The following IFT52 variants were observed in gnomAD, a reference collection of about 807,000 sequenced individuals.
IFT52 encodes intraflagellar transport protein 52 homolog.
Under a neutral mutation model 54.4 loss-of-function variants are expected in IFT52, and 44 were observed. That is an observed-to-expected ratio of 0.81 (90% CI 0.63 to 1.04). IFT52 has a LOEUF of 1.04. IFT52 is among the 50% of genes least tolerant of loss of function. The pLI, the probability that IFT52 is intolerant of heterozygous loss-of-function variation, is 0.00. For missense variants in IFT52, 452 were observed against 523.6 expected (o/e 0.86, Z 1.33); for synonymous variants, 181 against 185.3 (o/e 0.98, Z 0.19).
Position 43,642,494 on chromosome 20 carries a change from T to C in IFT52, c.1136T>C (p.Leu379Pro). The C allele has an allele frequency of 6.2e-7, 1 of 1,614,048 alleles. No individual in the cohort carries two copies. Among genetic ancestry groups the C allele is most frequent in the Non-Finnish European group, 8.5e-7 (1 of 1,179,956 alleles). ...ACTGTCTTAGGTACTGAAGAAGACC[T>C]GGAATTTTATGTCAGGAAGTGTGGT... is the stretch of plus-strand genomic sequence containing the variant. ...QITNKCTEED[L>P]EFYVRKCGDI... Residue 379 changes from leucine (L) to proline (P), a missense_variant, in exon 13 of 14, where the codon CTG becomes CCG. Leu to Pro is a moderately conservative substitution (Grantham distance 98, BLOSUM62 -3). Transcript: ENST00000373030.
chr20:43,594,682 T>A lies in IFT52; in HGVS notation c.-6-11T>A, dbSNP rs373213594. 7.8e-5 allele frequency: 108 copies of A among 1,388,428 alleles called. No homozygotes were observed. The highest frequency in any genetic ancestry group is 1.1e-4 in the Non-Finnish European group (103 of 977,322). The allele number at this position is 1,388,428 out of a possible 1,614,324, so 86.0% of individuals were successfully genotyped here. The stretch of plus-strand genomic sequence containing the variant: ...TTTATTGATTTTCTGATCCCATCTT[T>A]CTTCCATAAGGTAACCATGGAGAAA... On this transcript the variant is annotated splice_polypyrimidine_tract_variant and intron_variant, in intron 1 of 13. Transcript: ENST00000373030.
Position 43,602,573 on chromosome 20 carries a change from A to G in IFT52, c.208-1187A>G, listed in dbSNP as rs548329483. 4.0e-5 allele frequency among the ~76,000 whole-genome samples: 6 copies of G among 151,874 alleles called. No homozygotes were observed. In the East Asian group the frequency reaches 9.7e-4, roughly 25 times the overall value. ...GCCCAGGCTGGAATGCAGTGGTGCA[A>G]TCTCGGCTCACTGCAACCTCCACCA... is the stretch of plus-strand genomic sequence containing the variant. On this transcript the variant is annotated intron_variant, in intron 3 of 13. Coordinates refer to ENST00000373030, the MANE Select transcript of IFT52 (RefSeq NM_016004.5).
rs1162263954 is a variant in IFT52, at chr20:43,596,438, A to G, written c.123A>G (p.Leu41=). 1.3e-6 allele frequency: 2 copies of G among 1,583,364 alleles called. No individual in the cohort carries two copies. Among genetic ancestry groups the G allele is most frequent in the South Asian group, 1.1e-5 (1 of 87,180 alleles). ...GCTTTTAAAATTGTATTTCCAGCTT[A>G]AAAGATGAAATCACATCTGAGAAGT... ...KLRSNWKIQS[L]KDEITSEKLN... The change falls in exon 3 of 14, where the codon TTA becomes TTG. Residue 41 remains leucine (L), a synonymous_variant. Transcript: ENST00000373030.
intron 10 of IFT52, among the ~76,000 whole-genome samples, chr20:43,627,933 T>TG (rs1984865155): frequency 6.9e-6 from 1 of 144,528 alleles, no homozygotes; most frequent in African/African-American, 2.6e-5. Context: ...TTTTTTTTTT[T>TG]TTTTTTTTTT....
chr20:43,607,434 G>A (rs1225075920), intron 6 of IFT52, among the ~76,000 whole-genome samples: 5 of 148,936 alleles, frequency 3.4e-5, no homozygotes, highest in African/African-American at 1.3e-4. Context: ...CCGGGCGGAG[G>A]GGCTCCTCAC....
intron 6 of IFT52, among the ~76,000 whole-genome samples, chr20:43,606,081 C>T (rs1166334848): frequency 6.6e-6 from 1 of 151,904 alleles, no homozygotes; most frequent in Non-Finnish European, 1.5e-5. Flanking sequence ...TTTAGCTGTG[C>T]GTGGTAGTGG....
intron 2 of IFT52, among the ~76,000 whole-genome samples, chr20:43,595,087 G>A (rs190769880): frequency 2.1e-3 from 316 of 151,674 alleles, no homozygotes; most frequent in African/African-American, 7.3e-3. Flanking sequence ...AGGCCAAGGC[G>A]GGTGGATCAT....
At chr20:43,620,564 G>A (rs1008965737) in intron 8 of IFT52, among the ~76,000 whole-genome samples, 1 of 152,178 alleles carries the variant, frequency 6.6e-6, no homozygotes, top group Admixed American at 6.5e-5. Flanking sequence ...GCTGAGACAG[G>A]AGAATCGCTT....
chr20:43,640,604 A>T (rs1411844210), intron 12 of IFT52, among the ~76,000 whole-genome samples: 1 of 152,258 alleles, frequency 6.6e-6, no homozygotes, highest in Admixed American at 6.5e-5. Flanking sequence ...TACACACAGA[A>T]GCATACATAG....
chr20:43,594,944 A>C (rs938987781), intron 2 of IFT52, 127 bp downstream of exon 2: 25 of 674,542 alleles, frequency 3.7e-5, no homozygotes, highest in Non-Finnish European at 6.3e-5. Context: ...AAGATTATTC[A>C]GAATTAGGTC....
chr20:43,624,025 C>T lies in IFT52; in HGVS notation c.903C>T (p.Thr301=), dbSNP rs1984540363. The change falls in exon 10 of 14, where the codon ACC becomes ACT. Residue 301 remains threonine (T), a synonymous_variant. Transcript: ENST00000373030. ...FDLSIFQLDT[T]SFHSVIEAHE... ...TGTCCATCTTCCAGCTGGATACCAC[C>T]TCCTTCCACAGCGTCATCGAGTCAG... is the stretch of plus-strand genomic sequence containing the variant. 6.2e-7 allele frequency: 1 copy of T among 1,614,138 alleles called. No individual in the cohort carries two copies. The highest frequency in any genetic ancestry group is 1.3e-5 in the African/African-American group (1 of 75,044).
chr20:43,614,444 C>G (rs1044390262), intron 7 of IFT52, among the ~76,000 whole-genome samples: 1 of 151,996 alleles, frequency 6.6e-6, no homozygotes, highest in African/African-American at 2.4e-5. Flanking sequence ...CCATGTTAGC[C>G]AGGATGGTCT....
chr20:43,591,136 G>C (rs922677677), intron 1 of IFT52, 82 bp downstream of exon 1: 27 of 152,428 alleles, frequency 1.8e-4, no homozygotes, highest in African/African-American at 6.5e-4. Context: ...CACTCTTCGA[G>C]GCCGCTGGGC....
chr20:43,643,227 T>C (rs1600523776), intron 13 of IFT52, among the ~76,000 whole-genome samples: 1 of 126,720 alleles, frequency 7.9e-6, no homozygotes, highest in Non-Finnish European at 1.7e-5. Context: ...GGCTCACACC[T>C]GTAATCCCAG....
chr20:43,613,802 T>C, intron 6 of IFT52, 48 bp from the exon 7 acceptor site: 8 of 1,557,102 alleles, frequency 5.1e-6, no homozygotes, highest in Non-Finnish European at 7.1e-6. Context: ...TCAGAATTTT[T>C]GTATTCATGT....
chr20:43,632,817 A>T (rs1334589153), intron 10 of IFT52, among the ~76,000 whole-genome samples: 1 of 152,088 alleles, frequency 6.6e-6, no homozygotes, highest in Non-Finnish European at 1.5e-5. Flanking sequence ...GAAAAGAAAT[A>T]AAAAAAACAC....
At chr20:43,607,165 C>T (rs1244909309) in intron 6 of IFT52, among the ~76,000 whole-genome samples, 2 of 151,538 alleles carry the variant, frequency 1.3e-5, no homozygotes, top group Non-Finnish European at 2.9e-5. Flanking sequence ...GGCAGCCGGG[C>T]AGAGGCGCCC....
intron 9 of IFT52, among the ~76,000 whole-genome samples, chr20:43,622,765 A>AT (rs200912523): frequency 0.72 from 82,219 of 113,494 alleles, 30,220 homozygotes; most frequent in East Asian, 0.76. Context: ...AAATATATAC[A>AT]AATTGTGTGT....
At chr20:43,630,040 C>G (rs1280284474) in intron 10 of IFT52, among the ~76,000 whole-genome samples, 1 of 152,126 alleles carries the variant, frequency 6.6e-6, no homozygotes, top group Admixed American at 6.6e-5. Context: ...AACAGCAGGA[C>G]CAAAGCCTTC....
Sources: gnomAD v4.1 joint callset for allele counts (sites outside exome capture counted in the v4.1 genomes callset) on GRCh38, gnomAD v4.1.1 for gene constraint, MANE v1.5 for transcripts, NCBI Gene and HGNC (gene_info 2026-07-23, HGNC 2026-07-21) for gene names.